The following RELN variants were observed in gnomAD, a reference collection of about 807,000 sequenced individuals.
RELN encodes the protein reelin.
RELN carries 108 observed loss-of-function variants against 427.6 expected under a neutral mutation model. The ratio of observed to expected loss-of-function variants is 0.25; its 90% CI spans 0.22 to 0.30. The LOEUF (loss-of-function observed/expected upper bound fraction) is 0.30, where lower values mean the gene tolerates loss of function less well. RELN is among the 10% of genes least tolerant of loss of function. The pLI, the probability that RELN is intolerant of heterozygous loss-of-function variation, is 1.00. For synonymous variants in RELN, 1,524 were observed against 1,513.4 expected, an observed-to-expected ratio of 1.01 and a Z score of -0.16; for missense variants, 3,715 against 4,302.8, an observed-to-expected ratio of 0.86 and a Z score of 3.82.
chr7:103,816,530 AACACACACACAC>A (rs57873981), intron 3 of RELN, among the ~76,000 whole-genome samples: 5 of 143,738 alleles, frequency 3.5e-5, no homozygotes, highest in South Asian at 4.6e-4. Flanking sequence ...TTTCTCTAGA[AACACACACACAC>A]ACACACACAC....
At chr7:103,888,470 G>A (rs892627062) in intron 2 of RELN, among the ~76,000 whole-genome samples, 31 of 152,238 alleles carry the variant, frequency 2.0e-4, no homozygotes, top group African/African-American at 6.5e-4. Context: ...CTACTTTAGT[G>A]TTTATATTTC....
chr7:103,648,174 G>C (rs1202408164), intron 16 of RELN, among the ~76,000 whole-genome samples: 1 of 152,054 alleles, frequency 6.6e-6, no homozygotes, highest in Non-Finnish European at 1.5e-5. Flanking sequence ...CAATATTGGA[G>C]GAGGGGCCTG....
At chr7:103,975,694 C>T (rs375079935) in intron 1 of RELN, among the ~76,000 whole-genome samples, 119 of 150,796 alleles carry the variant, frequency 7.9e-4, no homozygotes, top group East Asian at 2.3e-3. Flanking sequence ...TACAGGCACC[C>T]GCCACCACGC....
At chr7:103,544,493 G>A (rs1025464284) in intron 42 of RELN, among the ~76,000 whole-genome samples, 5 of 151,948 alleles carry the variant, frequency 3.3e-5, no homozygotes, top group African/African-American at 1.2e-4. Flanking sequence ...CCAAGGTGCT[G>A]GGATTACAGG....
At chr7:103,803,213 C>A (rs1426737294) in intron 3 of RELN, among the ~76,000 whole-genome samples, 2 of 152,096 alleles carry the variant, frequency 1.3e-5, no homozygotes, top group Non-Finnish European at 2.9e-5. Context: ...TTTATAAATG[C>A]ATTTACGATT....
intron 8 of RELN, among the ~76,000 whole-genome samples, chr7:103,714,910 A>G (rs1789900490): frequency 6.6e-6 from 1 of 152,228 alleles, no homozygotes; most frequent in Admixed American, 6.5e-5. Flanking sequence ...ACTGTTCTTG[A>G]CAGAGCAAAC....
intron 5 of RELN, among the ~76,000 whole-genome samples, chr7:103,752,362 A>T (rs149076869): frequency 1.2e-3 from 176 of 152,278 alleles, no homozygotes; most frequent in African/African-American, 4.1e-3. Context: ...CATTATGAAA[A>T]ATCCATGGTG....
intron 10 of RELN, among the ~76,000 whole-genome samples, chr7:103,693,704 A>C (rs1157474666): frequency 6.6e-6 from 1 of 152,164 alleles, no homozygotes; most frequent in Non-Finnish European, 1.5e-5. Flanking sequence ...GGTCTTAAGC[A>C]TGGAGGCAGC....
chr7:103,689,519 A>G (rs553439086), intron 10 of RELN, among the ~76,000 whole-genome samples: 1 of 152,160 alleles, frequency 6.6e-6, no homozygotes, highest in Admixed American at 6.6e-5. Flanking sequence ...ACACAAACAC[A>G]CACACACCAA....
chr7:103,579,558 C>G (rs1016413247), intron 28 of RELN, among the ~76,000 whole-genome samples: 5 of 150,636 alleles, frequency 3.3e-5, no homozygotes, highest in Admixed American at 6.6e-5. Context: ...AAGATTGCGC[C>G]CCTGCACTCC....
In RELN at chr7:103,540,323, A is replaced by G; in HGVS notation, c.6804T>C (p.Asn2268=). 1.2e-6 allele frequency: 2 copies of G among 1,614,186 alleles called. No individual in the cohort carries two copies. Among genetic ancestry groups the G allele is most frequent in the East Asian group, 2.2e-5 (1 of 44,880 alleles). The change falls in exon 44 of 65, where the codon AAT becomes AAC. Residue 2268 remains asparagine, a synonymous_variant. Coordinates refer to ENST00000428762, the MANE Select transcript of RELN (RefSeq NM_005045.4). The part of the protein sequence containing the change: ...WSLLQEFLFS[N]SSNVGRYIAL... ...CAATGTACCTGCCCACATTGCTGGA[A>G]TTGCTGAAAAGGAACTCCTGAAGAA...
chr7:103,755,685 G>A (rs1276251862), intron 4 of RELN, among the ~76,000 whole-genome samples: 12 of 150,092 alleles, frequency 8.0e-5, no homozygotes, highest in African/African-American at 1.2e-4. Context: ...GTGTGGTGGC[G>A]GGTGCCTGTA....
chr7:103,568,787 C>G (rs1246219880), intron 31 of RELN, among the ~76,000 whole-genome samples: 1 of 152,080 alleles, frequency 6.6e-6, no homozygotes, highest in Non-Finnish European at 1.5e-5. Flanking sequence ...ATTGAGATTA[C>G]TTAGTTATTT....
chr7:103,685,378 A>G (rs1443112941), intron 10 of RELN, among the ~76,000 whole-genome samples: 1 of 152,142 alleles, frequency 6.6e-6, no homozygotes, highest in East Asian at 1.9e-4. Context: ...TATGAAAAAA[A>G]CAAGAATTTT....
chr7:103,561,959 C>CAAAA lies in RELN; in HGVS notation c.5211-10_5211-7dup, dbSNP rs34125550. 312 of 1,314,330 alleles carry CAAAA rather than the reference C, an allele frequency of 2.4e-4. 5 individuals carry two copies. Among genetic ancestry groups the CAAAA allele is most frequent in the Admixed American group, 9.4e-4 (32 of 34,120 alleles). 81.4% of individuals were successfully genotyped at this position (1,314,330 alleles called of 1,614,324 possible). A position where few individuals can be genotyped will look rare whatever the true frequency, so the allele number is the denominator to read the frequency against. On this transcript the variant is annotated splice_region_variant and splice_polypyrimidine_tract_variant and intron_variant, in intron 34 of 64. Transcript: ENST00000428762. ...TGAACCGGGTCCTGGGAGAACTAAC[C>CAAAA]AAAAAAAAAAAAAAAAAAACACACC...
intron 2 of RELN, among the ~76,000 whole-genome samples, chr7:103,891,084 A>C (rs1794839458): frequency 6.6e-6 from 1 of 152,170 alleles, no homozygotes; most frequent in African/African-American, 2.4e-5. Context: ...TCTGTCTCAA[A>C]AAAACAAAAC....
intron 2 of RELN, among the ~76,000 whole-genome samples, chr7:103,850,674 C>T (rs1462550521): frequency 1.3e-5 from 2 of 152,152 alleles, no homozygotes; most frequent in East Asian, 1.9e-4. Flanking sequence ...CTCTTTCTTT[C>T]GCAGCTGGAA....
At position 103,610,769 on chromosome 7, in the gene RELN, T is replaced by A. The variant is rs1831933950; in HGVS notation, c.2934A>T (p.Thr978=). Residue 978 remains threonine, a synonymous_variant, in exon 22 of 65, where the codon ACA becomes ACT. Transcript: ENST00000428762. ...CACTGGCATGGTAAATACTTGCTGA[T>A]GTAAATTCCTGACAACTTGGCATAC... ...LPSMPSCQEF[T]SASIYHASEF... is the part of the protein sequence containing the mutation. 2 of 1,611,746 alleles carry A rather than the reference T, an allele frequency of 1.2e-6. No individual in the cohort carries two copies. The highest frequency in any genetic ancestry group is 2.7e-5 in the African/African-American group (2 of 74,866).
chr7:103,926,684 G>A (rs1464951731), intron 1 of RELN, among the ~76,000 whole-genome samples: 4 of 123,594 alleles, frequency 3.2e-5, no homozygotes, highest in African/African-American at 9.0e-5. Flanking sequence ...TCCCTCTGTC[G>A]CCCAGGCTAG....
Sources: gnomAD v4.1 joint callset for allele counts (sites outside exome capture counted in the v4.1 genomes callset) on GRCh38, gnomAD v4.1.1 for gene constraint, MANE v1.5 for transcripts, NCBI Gene and HGNC (gene_info 2026-07-23, HGNC 2026-07-21) for gene names.